TAFA5: variants seen among roughly 807,000 people sequenced by gnomAD.
The protein encoded by TAFA5 is chemokine-like protein TAFA-5.
TAFA5 carries 6 observed loss-of-function variants against 15.3 expected under a neutral mutation model. The observed-to-expected ratio is 0.39, with a 90% confidence interval of 0.21 to 0.77. TAFA5 has a LOEUF of 0.77. Among genes scored for constraint, TAFA5 ranks in the 30% least tolerant of loss-of-function variants. TAFA5 has a pLI of 0.41. For missense variants in TAFA5, 161 were observed against 193.1 expected (o/e 0.83, Z 0.98); for synonymous variants, 103 against 80.7 (o/e 1.28, Z -1.48).
chr22:48,707,866 C>T (rs778559934), intron 3 of TAFA5, 22 bp downstream of exon 3: 23 of 1,607,482 alleles, frequency 1.4e-5, no homozygotes, highest in Admixed American at 5.0e-5. Flanking sequence ...TCGGCTTTCT[C>T]GTGGGTGTGC....
rs748186340 is a variant in TAFA5 at position 48,707,808 on chromosome 22, G to A, written c.354G>A (p.Thr118=). 72 of 1,613,808 alleles carry A rather than the reference G, an allele frequency of 4.5e-5. No homozygotes were observed. Among genetic ancestry groups the A allele is most frequent in the East Asian group, 2.9e-4 (13 of 44,874 alleles). ...TGTTAATCAACCGGTCAGGCTGGAC[G>A]TGCACGCAGCCCGGCGGGAGGATAA... The part of the protein sequence containing the change: ...CDLLINRSGW[T]CTQPGGRIKT... The change falls in exon 3 of 4, where the codon ACG becomes ACA. Residue 118 remains threonine, a synonymous_variant. Coordinates refer to ENST00000402357, the MANE Select transcript of TAFA5 (RefSeq NM_001082967.3).
intron 1 of TAFA5, among the ~76,000 whole-genome samples, chr22:48,555,313 C>T (rs1922996957): frequency 6.6e-6 from 1 of 152,220 alleles, no homozygotes; most frequent in Non-Finnish European, 1.5e-5. Flanking sequence ...CATTCTCCTC[C>T]CTCCTCCCTT....
At chr22:48,705,523 T>C (rs555834914) in intron 2 of TAFA5, among the ~76,000 whole-genome samples, 1 of 152,322 alleles carries the variant, frequency 6.6e-6, no homozygotes, top group African/African-American at 2.4e-5. Flanking sequence ...AGGAGTGAGC[T>C]GTTCCCCAGG....
intron 3 of TAFA5, among the ~76,000 whole-genome samples, chr22:48,747,307 C>T (rs771741227): frequency 2.6e-5 from 4 of 152,192 alleles, no homozygotes; most frequent in East Asian, 1.9e-4. Context: ...CAACCACAGC[C>T]GCTCCAGCCC....
At chr22:48,631,006 C>T (rs556439379) in intron 1 of TAFA5, among the ~76,000 whole-genome samples, 572 of 152,296 alleles carry the variant, frequency 3.8e-3, no homozygotes, top group Non-Finnish European at 6.1e-3. Context: ...CAGGGGCCGG[C>T]GCTCTGGAAT....
At chr22:48,682,721 C>T (rs181805170) in intron 2 of TAFA5, among the ~76,000 whole-genome samples, 17 of 152,200 alleles carry the variant, frequency 1.1e-4, no homozygotes, top group Admixed American at 1.1e-3. Context: ...CCCAGAAGCA[C>T]AGTCATTGTC....
intron 1 of TAFA5, among the ~76,000 whole-genome samples, chr22:48,613,525 G>A (rs1925487164): frequency 6.6e-6 from 1 of 152,212 alleles, no homozygotes; most frequent in Admixed American, 6.5e-5. Flanking sequence ...GCTTGGGGTT[G>A]TCTGGACTTG....
chr22:48,534,666 G>A (rs1052560877), intron 1 of TAFA5, among the ~76,000 whole-genome samples: 3 of 152,198 alleles, frequency 2.0e-5, no homozygotes, highest in Non-Finnish European at 4.4e-5. Context: ...GCCGCCCTGC[G>A]GGGGTGTGGG....
intron 1 of TAFA5, among the ~76,000 whole-genome samples, chr22:48,610,870 A>T (rs1925380070): frequency 6.6e-6 from 1 of 151,896 alleles, no homozygotes; most frequent in South Asian, 2.1e-4. Flanking sequence ...CACGAGAGGC[A>T]TCGGGGATTT....
At chr22:48,519,271 G>A (rs1233879425) in intron 1 of TAFA5, among the ~76,000 whole-genome samples, 1 of 152,242 alleles carries the variant, frequency 6.6e-6, no homozygotes, top group Non-Finnish European at 1.5e-5. Context: ...ATATTTGTAG[G>A]AGATAGAGGC....
chr22:48,669,712 C>T (rs1173555663), intron 2 of TAFA5, among the ~76,000 whole-genome samples: 1 of 152,180 alleles, frequency 6.6e-6, no homozygotes, highest in African/African-American at 2.4e-5. Context: ...GCAAAGGGGC[C>T]ATGGGAGGAG....
intron 1 of TAFA5, among the ~76,000 whole-genome samples, chr22:48,541,355 C>A (rs1449992143): frequency 6.6e-6 from 1 of 152,144 alleles, no homozygotes; most frequent in South Asian, 2.1e-4. Context: ...GACCCCAGAA[C>A]CCTGTACCCT....
chr22:48,583,727 A>C (rs969056170), intron 1 of TAFA5, among the ~76,000 whole-genome samples: 18 of 152,096 alleles, frequency 1.2e-4, no homozygotes, highest in South Asian at 4.1e-4. Flanking sequence ...ACCACACACA[A>C]AATGTGCCAC....
intron 1 of TAFA5, among the ~76,000 whole-genome samples, chr22:48,614,077 C>T (rs536390551): frequency 2.0e-3 from 300 of 152,334 alleles, no homozygotes; most frequent in Middle Eastern, 0.014. Context: ...CCTGACCTCC[C>T]GGCCGACGGG....
At chr22:48,556,205 G>T (rs1485625112) in intron 1 of TAFA5, among the ~76,000 whole-genome samples, 1 of 152,138 alleles carries the variant, frequency 6.6e-6, no homozygotes, top group Non-Finnish European at 1.5e-5. Context: ...GCTCCCAGGG[G>T]ACTGTGAGAA....
At chr22:48,591,363 G>T (rs1924560259) in intron 1 of TAFA5, among the ~76,000 whole-genome samples, 2 of 152,214 alleles carry the variant, frequency 1.3e-5, no homozygotes. Context: ...GCAGGAGTGG[G>T]TGTTCCCGTC....
chr22:48,702,348 G>A lies in TAFA5; in HGVS notation c.263-5369G>A, dbSNP rs113731626. Among the ~76,000 whole-genome samples, 641 of 152,198 alleles carry A rather than the reference G, an allele frequency of 4.2e-3. 7 individuals are homozygous for A. Among genetic ancestry groups the A allele is most frequent in the African/African-American group, 0.015 (620 of 41,504 alleles). On this transcript the variant is annotated intron_variant, in intron 2 of 3. Transcript: ENST00000402357. ...CTGGCTGGGCTGGGACTCGGGGGCT[G>A]TGGGGTCCTACAGAGGCTTGAGATC...
intron 3 of TAFA5, among the ~76,000 whole-genome samples, chr22:48,718,368 A>G (rs1929468239): frequency 6.6e-6 from 1 of 152,120 alleles, no homozygotes; most frequent in Admixed American, 6.5e-5. Context: ...GGAGGCCCCC[A>G]AGCAGGAAGG....
At chr22:48,631,785 A>C (rs1926238452) in intron 1 of TAFA5, among the ~76,000 whole-genome samples, 1 of 152,064 alleles carries the variant, frequency 6.6e-6, no homozygotes, top group South Asian at 2.1e-4. Context: ...GACATCGCGG[A>C]ATGTAAAGGG....
Sources: gnomAD v4.1 joint callset for allele counts (sites outside exome capture counted in the v4.1 genomes callset) on GRCh38, gnomAD v4.1.1 for gene constraint, MANE v1.5 for transcripts, NCBI Gene and HGNC (gene_info 2026-07-23, HGNC 2026-07-21) for gene names.